Variants in OTUD7A observed in about 807,000 individuals in gnomAD.
The protein encoded by OTUD7A is OTU deubiquitinase 7A.
In OTUD7A, 12 loss-of-function variants were observed where a neutral mutation model predicts 65.7. The ratio of observed to expected loss-of-function variants is 0.18; its 90% CI spans 0.12 to 0.30. The LOEUF (loss-of-function observed/expected upper bound fraction) is 0.30, where lower values mean the gene tolerates loss of function less well. Ranked by LOEUF, OTUD7A falls within the 10% of genes least tolerant of loss-of-function variation. OTUD7A has a pLI of 1.00. For missense variants in OTUD7A, 1,148 were observed against 1,304.8 expected, an observed-to-expected ratio of 0.88 and a Z score of 1.85; for synonymous variants, 641 against 586.3, an observed-to-expected ratio of 1.09 and a Z score of -1.35.
chr15:31,616,969 C>T (rs1033515791), intron 3 of OTUD7A, among the ~76,000 whole-genome samples: 3 of 152,056 alleles, frequency 2.0e-5, no homozygotes, highest in Admixed American at 2.0e-4. Context: ...ATCTGAGTAC[C>T]GATCTCAAAC....
chr15:31,696,074 G>T (rs1287575568), intron 1 of OTUD7A, among the ~76,000 whole-genome samples: 1 of 152,206 alleles, frequency 6.6e-6, no homozygotes, highest in East Asian at 1.9e-4. Context: ...GCACACGAAG[G>T]AGTCCCCTGT....
intron 5 of OTUD7A, among the ~76,000 whole-genome samples, chr15:31,537,682 T>C (rs1887850417): frequency 6.6e-6 from 1 of 152,188 alleles, no homozygotes; most frequent in Non-Finnish European, 1.5e-5. Context: ...TAAAATAAAA[T>C]GGCAGGATCT....
In OTUD7A at chr15:31,484,092, C is replaced by A. The variant is rs2041192042; in HGVS notation, c.2004G>T (p.Ala668=). The A allele has an allele frequency of 1.2e-6, 2 of 1,600,244 alleles. No individual in the cohort carries two copies. The highest frequency in any genetic ancestry group is 1.3e-5 in the African/African-American group (1 of 74,864). ...CCTGCTCGGCGCTGAAGCGCTCCTG[C>A]GCGCTCGTCAGGTAGTAGCCGATCA... is the stretch of plus-strand genomic sequence containing the variant. ...EEMIGYYLTS[A]QERFSAEQEQ... The change falls in exon 13 of 13, where the codon GCG becomes GCT. Residue 668 remains alanine (A), a synonymous_variant. Transcript: ENST00000307050. This position sits in a 1 kb window ranked among gnomAD's most constrained non-coding sequence, Gnocchi z 4.5.
chr15:31,483,802 A>C lies in OTUD7A; in HGVS notation c.2294T>G (p.Val765Gly). Residue 765 changes from valine to glycine, a missense_variant, in exon 13 of 13, where the codon GTG becomes GGG. By Grantham distance (109) the Val-to-Gly change is moderately radical. Coordinates refer to ENST00000307050, the MANE Select transcript of OTUD7A (RefSeq NM_001382637.1). ...TGGCGCCGGGGGGCTGCGGCCAGGCACTGGTCCGCTGGCGCTCGCACGCCG... is the reference window on the plus strand; with the variant it reads ...TGGCGCCGGGGGGCTGCGGCCAGGCCCTGGTCCGCTGGCGCTCGCACGCCG... The part of the protein sequence containing the change: ...GARRASASGP[V>G]PGRSPPAPAR... 9.8e-7 allele frequency: 1 copy of C among 1,016,004 alleles called. No individual in the cohort carries two copies. Among genetic ancestry groups the C allele is most frequent in the Non-Finnish European group, 1.2e-6 (1 of 852,726 alleles). 62.9% of individuals were successfully genotyped at this position (1,016,004 alleles called of 1,614,324 possible). A position where few individuals can be genotyped will look rare whatever the true frequency, so the allele number is the denominator to read the frequency against.
Position 31,475,744 on chromosome 15 carries a change from C to T in OTUD7A, c.*7550G>A, listed in dbSNP as rs1478521598. On this transcript the variant is annotated 3_prime_UTR_variant, in exon 13 of 13. Transcript: ENST00000307050. ...TGCATTGAATTGGAATTAACACCTG[C>T]AGGTAGAAAGGGGTTCTGCACAACT... 1 of 152,166 alleles carries T rather than the reference C, an allele frequency of 6.6e-6. No homozygotes were observed. The highest frequency in any genetic ancestry group is 1.5e-5 in the Non-Finnish European group (1 of 68,028). The allele number at this position is 152,166 out of a possible 1,614,324, so 9.4% of individuals were successfully genotyped here.
intron 4 of OTUD7A, among the ~76,000 whole-genome samples, chr15:31,568,108 G>C (rs1202551337): frequency 6.6e-6 from 1 of 152,214 alleles, no homozygotes; most frequent in African/African-American, 2.4e-5. Context: ...GTGAGAAGGG[G>C]GCCACCACCT....
chr15:31,544,034 G>A (rs1888059797), intron 5 of OTUD7A, among the ~76,000 whole-genome samples: 1 of 151,772 alleles, frequency 6.6e-6, no homozygotes, highest in Admixed American at 6.6e-5. Flanking sequence ...TACAGACAAT[G>A]CTTTTTGTCC....
rs57517466 is a variant in OTUD7A, at chr15:31,570,442, TACACACACACACAC to T, written c.152-259_152-246del. Among the ~76,000 whole-genome samples, 207 of 143,324 alleles carry T rather than the reference TACACACACACACAC, an allele frequency of 1.4e-3. 1 individual carries two copies. Among genetic ancestry groups the T allele is most frequent in the East Asian group, 0.011 (56 of 4,988 alleles). The allele number at this position is 143,324 out of a possible 152,430, so 94.0% of individuals were successfully genotyped here. Reference sequence around the variant, plus strand: ...TACAGTCTCAGAGCCTTTAGGTTCATACACACACACACACACACACACACACACACACACACACA... The same window carrying T: ...TACAGTCTCAGAGCCTTTAGGTTCATACACACACACACACACACACACACA... On this transcript the variant is annotated intron_variant, in intron 3 of 12. Coordinates refer to ENST00000307050, the MANE Select transcript of OTUD7A (RefSeq NM_001382637.1).
chr15:31,571,423 C>T (rs1238962702), intron 3 of OTUD7A, among the ~76,000 whole-genome samples: 2 of 152,164 alleles, frequency 1.3e-5, no homozygotes, highest in Non-Finnish European at 2.9e-5. Context: ...GGCTACATGT[C>T]CCTGATGAAG....
At chr15:31,662,930 T>C (rs377193589) in intron 1 of OTUD7A, among the ~76,000 whole-genome samples, 10 of 152,326 alleles carry the variant, frequency 6.6e-5, no homozygotes, top group Admixed American at 2.0e-4. Flanking sequence ...ATCAAAGCTA[T>C]TGATTTCTGT....
chr15:31,559,092 G>A lies in OTUD7A; in HGVS notation c.427C>T (p.Pro143Ser), dbSNP rs751834860. 7 of 1,613,478 alleles carry A rather than the reference G, an allele frequency of 4.3e-6. No individual in the cohort carries two copies. In the Admixed American group the frequency reaches 1.0e-4, roughly 23 times the overall value. Reference sequence around the variant, plus strand: ...AATGTGTAGATTGGCATCTCCAGGGGGAACTGCTCGTTGTTGCATTCACTT... The same window carrying A: ...AATGTGTAGATTGGCATCTCCAGGGAGAACTGCTCGTTGTTGCATTCACTT... ...VASECNNEQF[P>S]LEMPIYTFQL... Residue 143 changes from proline to serine, a missense_variant, in exon 5 of 13, where the codon CCC becomes TCC. Coordinates refer to ENST00000307050, the MANE Select transcript of OTUD7A (RefSeq NM_001382637.1).
chr15:31,811,999 A>G (rs1253700176), intron 1 of OTUD7A, among the ~76,000 whole-genome samples: 1 of 152,198 alleles, frequency 6.6e-6, no homozygotes, highest in Non-Finnish European at 1.5e-5. Context: ...GATGCTGGTC[A>G]CTGCTGCCTT....
chr15:31,807,644 G>C (rs776847287), intron 1 of OTUD7A, among the ~76,000 whole-genome samples: 4 of 152,100 alleles, frequency 2.6e-5, no homozygotes, highest in Non-Finnish European at 5.9e-5. Context: ...CTAACACTAC[G>C]GCTATGCTCA....
At chr15:31,846,454 C>T (rs1897295058) in intron 1 of OTUD7A, among the ~76,000 whole-genome samples, 3 of 152,136 alleles carry the variant, frequency 2.0e-5, no homozygotes, top group Non-Finnish European at 4.4e-5. Flanking sequence ...GAAGGGAGCC[C>T]ACTGAGAACC....
Position 31,483,611 on chromosome 15 carries a change from T to C in OTUD7A, c.2485A>G (p.Thr829Ala). ...ARAAALRTVN[T>A]VESLARAVPG... Reference sequence around the variant, plus strand: ...ACCGCGCGCGCCAGCGACTCGACCGTGTTGACGGTGCGCAGGGCGGCGGCG... The same window carrying C: ...ACCGCGCGCGCCAGCGACTCGACCGCGTTGACGGTGCGCAGGGCGGCGGCG... Residue 829 changes from threonine (T) to alanine (A), a missense_variant, in exon 13 of 13, where the codon ACG becomes GCG. Physicochemically the swap from Thr to Ala is moderately conservative, Grantham distance 58. Transcript: ENST00000307050. 3 of 1,207,554 alleles carry C rather than the reference T, an allele frequency of 2.5e-6. No homozygotes were observed. Among genetic ancestry groups the C allele is most frequent in the South Asian group, 3.4e-5 (1 of 29,118 alleles). 74.8% of individuals were successfully genotyped at this position (1,207,554 alleles called of 1,614,324 possible).
intron 1 of OTUD7A, among the ~76,000 whole-genome samples, chr15:31,819,071 C>T (rs1896618786): frequency 6.6e-6 from 1 of 152,128 alleles, no homozygotes; most frequent in Admixed American, 6.6e-5. Context: ...GTGGTCCATG[C>T]ATGTAGAGAT....
At chr15:31,582,315 GTCT>G (rs1256878604) in intron 3 of OTUD7A, among the ~76,000 whole-genome samples, 1 of 152,154 alleles carries the variant, frequency 6.6e-6, no homozygotes, top group Non-Finnish European at 1.5e-5. Flanking sequence ...ACATTTTCCT[GTCT>G]TCTTCTAAGC....
chr15:31,483,860 C>CCGCCGCCCG lies in OTUD7A; in HGVS notation c.2227_2235dup (p.Arg743_Ala745dup). ...CCCCCCGGGGAGGCCGTGCCGCCCG[C>CCGCCGCCCG]CGCCGCCCGCGCCGCACGCCCTGCC... On this transcript the variant is annotated inframe_insertion, in exon 13 of 13. Transcript: ENST00000307050. 1.1e-5 allele frequency: 11 copies of CCGCCGCCCG among 985,150 alleles called. No homozygotes were observed. The highest frequency in any genetic ancestry group is 1.3e-5 in the Non-Finnish European group (11 of 831,708). The allele number at this position is 985,150 out of a possible 1,614,324, so 61.0% of individuals were successfully genotyped here. A position where few individuals can be genotyped will look rare whatever the true frequency, so the allele number is the denominator to read the frequency against.
intron 1 of OTUD7A, chr15:31,787,430 T>C (rs1244704002): frequency 6.6e-6 from 1 of 152,146 alleles, no homozygotes; most frequent in Non-Finnish European, 1.5e-5. Flanking sequence ...TCTCCTACTC[T>C]CCATCAAAGA....
Sources: allele counts gnomAD v4.1 joint callset (sites outside exome capture counted in the v4.1 genomes callset), GRCh38; gene constraint gnomAD v4.1.1; non-coding constraint Gnocchi (gnomAD v3.1); transcripts MANE v1.5; gene names NCBI Gene and HGNC (gene_info 2026-07-23, HGNC 2026-07-21).